Variants in MYLK observed in about 807,000 individuals in gnomAD.
MYLK encodes myosin light chain kinase, smooth muscle.
Under a neutral mutation model 203.4 loss-of-function variants are expected in MYLK, and 106 were observed. The ratio of observed to expected loss-of-function variants is 0.52; its 90% CI spans 0.45 to 0.61. The LOEUF (loss-of-function observed/expected upper bound fraction) is 0.61, where lower values mean the gene tolerates loss of function less well. MYLK is among the 20% of genes least tolerant of loss of function. MYLK has a pLI of 0.00. For synonymous variants in MYLK, 867 were observed against 959.5 expected (o/e 0.90, Z 1.78); for missense variants, 2,072 against 2,442.3 (o/e 0.85, Z 3.20).
intron 24 of MYLK, among the ~76,000 whole-genome samples, chr3:123,655,701 T>C (rs2059370294): frequency 1.3e-5 from 2 of 152,230 alleles, no homozygotes; most frequent in Admixed American, 1.3e-4. Flanking sequence ...AGTTCAAGCA[T>C]CAGTTCACCA....
In MYLK at chr3:123,682,303, T is replaced by C; in HGVS notation, c.3573A>G (p.Pro1191=). 1 of 1,597,384 alleles carries C rather than the reference T, an allele frequency of 6.3e-7. No homozygotes were observed. Among genetic ancestry groups the C allele is most frequent in the Non-Finnish European group, 8.5e-7 (1 of 1,171,576 alleles). Residue 1191 remains proline (P), a synonymous_variant, in exon 20 of 34, where the codon CCA becomes CCG. Coordinates refer to ENST00000360304, the MANE Select transcript of MYLK (RefSeq NM_053025.4). ...CSCQVTVDDA[P]ASENTKAPEM... ...CTGGGGCCTTGGTGTTCTCACTGGC[T>C]GGAGCATCTGGAATGAAACAGGTAA...
chr3:123,751,405 C>A (rs1320943150), intron 5 of MYLK, among the ~76,000 whole-genome samples: 4 of 152,156 alleles, frequency 2.6e-5, no homozygotes, highest in African/African-American at 9.7e-5. Flanking sequence ...GGGAAAAAGA[C>A]AAAAATATTA....
At chr3:123,805,983 AG>A (rs1473080885) in intron 3 of MYLK, among the ~76,000 whole-genome samples, 1 of 152,276 alleles carries the variant, frequency 6.6e-6, no homozygotes, top group Non-Finnish European at 1.5e-5. Context: ...ATGAAGACTC[AG>A]GTTTCACATT....
chr3:123,700,869 C>A lies in MYLK; in HGVS notation c.2599G>T (p.Glu867Ter). 6.2e-7 allele frequency: 1 copy of A among 1,613,554 alleles called. No individual in the cohort carries two copies. Among genetic ancestry groups the A allele is most frequent in the Non-Finnish European group, 8.5e-7 (1 of 1,180,034 alleles). ...GQGWLEEEDGEDVRGVLKRRV... is the reference protein window; with the variant it reads ...GQGWLEEEDG ...CTCTTCAGCACCCCTCGCACGTCCT[C>A]GCCGTCTTCCTCCTCTAGCCAACCC... The change falls in exon 18 of 34, where the codon GAG (glutamate) becomes TAG (stop). Residue 867 changes from glutamate (E) to a stop codon, truncating the protein, a stop_gained. Transcript: ENST00000360304. LOFTEE classifies it high-confidence loss of function.
intron 3 of MYLK, among the ~76,000 whole-genome samples, chr3:123,821,370 T>C (rs898798505): frequency 1.3e-5 from 2 of 152,210 alleles, no homozygotes; most frequent in Admixed American, 1.3e-4. Flanking sequence ...GAAAAATAAT[T>C]AGTCTGTGAT....
chr3:123,875,705 T>C (rs1054706625), intron 2 of MYLK, among the ~76,000 whole-genome samples: 7 of 152,314 alleles, frequency 4.6e-5, no homozygotes, highest in Middle Eastern at 6.8e-3. Flanking sequence ...AAAAACCTAT[T>C]ATGATGCAGC....
chr3:123,770,961 TGGGA>T (rs2063863155), intron 4 of MYLK, among the ~76,000 whole-genome samples: 3 of 152,222 alleles, frequency 2.0e-5, no homozygotes, highest in Non-Finnish European at 4.4e-5. Context: ...ACCATCTGGC[TGGGA>T]TGTTGTCAAA....
chr3:123,728,342 A>G (rs2062361965), intron 11 of MYLK, among the ~76,000 whole-genome samples: 1 of 152,038 alleles, frequency 6.6e-6, no homozygotes, highest in Non-Finnish European at 1.5e-5. Context: ...GTCTCTACCA[A>G]AAAAAATAAA....
chr3:123,803,881 G>A (rs922294100), intron 3 of MYLK, among the ~76,000 whole-genome samples: 2 of 152,246 alleles, frequency 1.3e-5, no homozygotes, highest in Non-Finnish European at 2.9e-5. Flanking sequence ...CCAGCTCCCA[G>A]GTGGAGCCCT....
chr3:123,728,313 G>A (rs2062361155), intron 11 of MYLK, among the ~76,000 whole-genome samples: 1 of 152,070 alleles, frequency 6.6e-6, no homozygotes, highest in Admixed American at 6.5e-5. Flanking sequence ...ACCAGCCTGG[G>A]AAACATAGCA....
chr3:123,718,789 A>T (rs2061992206), intron 13 of MYLK, among the ~76,000 whole-genome samples: 1 of 152,190 alleles, frequency 6.6e-6, no homozygotes, highest in South Asian at 2.1e-4. Context: ...ATTTGAAATG[A>T]GGCCAGGTGC....
At chr3:123,817,442 C>T (rs1194662970) in intron 3 of MYLK, among the ~76,000 whole-genome samples, 1 of 152,190 alleles carries the variant, frequency 6.6e-6, no homozygotes, top group African/African-American at 2.4e-5. Flanking sequence ...GCCCAGGGTT[C>T]CCCTCTGGGC....
chr3:123,694,550 T>C (rs2060827209), intron 18 of MYLK, among the ~76,000 whole-genome samples: 2 of 152,102 alleles, frequency 1.3e-5, no homozygotes, highest in South Asian at 2.1e-4. Flanking sequence ...TTCCCTCAAG[T>C]CAGGGTGGGG....
At chr3:123,760,632 G>A (rs1025790509) in intron 4 of MYLK, among the ~76,000 whole-genome samples, 1 of 152,008 alleles carries the variant, frequency 6.6e-6, no homozygotes, top group Non-Finnish European at 1.5e-5. Flanking sequence ...CTCTGTTAAT[G>A]GCATGAAACT....
At chr3:123,720,844 AG>A (rs1224756136) in intron 13 of MYLK, among the ~76,000 whole-genome samples, 1 of 152,132 alleles carries the variant, frequency 6.6e-6, no homozygotes, top group East Asian at 1.9e-4. Context: ...TTCATCCCTA[AG>A]GGACTGACAC....
intron 24 of MYLK, among the ~76,000 whole-genome samples, chr3:123,651,173 C>T (rs561969549): frequency 5.3e-5 from 8 of 152,256 alleles, no homozygotes; most frequent in East Asian, 3.9e-4. Context: ...ATCACACAAT[C>T]GCCAAGGATG....
intron 2 of MYLK, among the ~76,000 whole-genome samples, chr3:123,864,190 G>A (rs1210855491): frequency 1.3e-5 from 2 of 152,190 alleles, no homozygotes; most frequent in Admixed American, 6.5e-5. Flanking sequence ...CATCTGGAGG[G>A]TGGGGACAGA....
chr3:123,696,934 C>T lies in MYLK; in HGVS notation c.3448+3086G>A, dbSNP rs820336. On this transcript the variant is annotated intron_variant, in intron 18 of 33. Transcript: ENST00000360304. ...AGCCCAGAACAAGCTGTTAGCAGGA[C>T]GCCTCTGCTGCTGCGGGGCCCCCGC... Among the ~76,000 whole-genome samples, 82,552 of 152,174 alleles carry T rather than the reference C, an allele frequency of 0.54. 27,836 individuals carry two copies. The highest frequency in any genetic ancestry group is 0.77 in the Non-Finnish European group (52,585 of 68,002).
rs1196762486 is a variant in MYLK at position 123,700,650 on chromosome 3, C to T, written c.2818G>A (p.Glu940Lys). 5 of 1,614,136 alleles carry T rather than the reference C, an allele frequency of 3.1e-6. No homozygotes were observed. The Admixed American group carries it at 5.0e-5, about 16-fold the overall frequency. The change falls in exon 18 of 34, where the codon GAG (glutamate) becomes AAG (lysine). Residue 940 changes from glutamate to lysine, a missense_variant. Glu to Lys is a moderately conservative substitution (Grantham distance 56, BLOSUM62 1). Coordinates refer to ENST00000360304, the MANE Select transcript of MYLK (RefSeq NM_053025.4). The part of the protein sequence containing the change: ...QRQVKPKTVS[E>K]EERKVHSPQQ... The stretch of plus-strand genomic sequence containing the variant: ...GGGCTGTGCACCTTCCTCTCTTCCT[C>T]AGACACAGTCTTTGGCTTCACTTGC...
Sources: gnomAD v4.1 joint callset for allele counts (sites outside exome capture counted in the v4.1 genomes callset) on GRCh38, gnomAD v4.1.1 for gene constraint, MANE v1.5 for transcripts, NCBI Gene and HGNC (gene_info 2026-07-23, HGNC 2026-07-21) for gene names.